Variants in EML3 observed in about 807,000 individuals in gnomAD.
EML3 encodes echinoderm microtubule-associated protein-like 3.
EML3 carries 53 observed loss-of-function variants against 106.7 expected under a neutral mutation model. The ratio of observed to expected loss-of-function variants is 0.50; its 90% CI spans 0.40 to 0.62. The LOEUF (loss-of-function observed/expected upper bound fraction) is 0.62. Among genes scored for constraint, EML3 ranks in the 20% least tolerant of loss-of-function variants. The probability of loss-of-function intolerance (pLI) is 0.00; values close to 1 mark genes in which losing one functional copy is unlikely to be tolerated. For synonymous variants in EML3, 499 were observed against 489.6 expected, an observed-to-expected ratio of 1.02 and a Z score of -0.25; for missense variants, 994 against 1,209.1, an observed-to-expected ratio of 0.82 and a Z score of 2.64.
rs1391989621 is a variant in EML3 at position 62,605,962 on chromosome 11, C to T, written c.1675G>A (p.Ala559Thr). 6.2e-7 allele frequency: 1 copy of T among 1,614,152 alleles called. No individual in the cohort carries two copies. Among genetic ancestry groups the T allele is most frequent in the South Asian group, 1.1e-5 (1 of 91,086 alleles). Residue 559 changes from alanine (A) to threonine (T), a missense_variant, in exon 14 of 22, where the codon GCC (alanine) becomes ACC (threonine). By Grantham distance (58) the Ala-to-Thr change is moderately conservative. Around this residue, in one of 3 missense-constraint regions of EML3, gnomAD observed 713 missense variants for 920.5 expected, o/e 0.77. Coordinates refer to ENST00000394773, the MANE Select transcript of EML3 (RefSeq NM_153265.3). This position sits in a 1 kb window ranked among gnomAD's most constrained non-coding sequence, Gnocchi z 5.2. ...QEAEIPEHFG[A>T]VRAIAEGLGS... ...AGCCCTTCAGCAATGGCTCGCACGG[C>T]CCCGAAGTGCTCGGGAATCTGCAGA...
rs766056591 is a variant in EML3 at position 62,605,352 on chromosome 11, T to C, written c.1915-172A>G. On this transcript the variant is annotated intron_variant, in intron 15 of 21. Transcript: ENST00000394773. The surrounding 1 kb of genome is among the most constrained non-coding windows in gnomAD (Gnocchi z 5.2). ...CTGAACAGGGAGTGATACCAAAATATTTAACCACAGAACTGATGCCAATAG... is the reference window on the plus strand; with the variant it reads ...CTGAACAGGGAGTGATACCAAAATACTTAACCACAGAACTGATGCCAATAG... 237 of 690,650 alleles carry C rather than the reference T, an allele frequency of 3.4e-4. No individual in the cohort carries two copies. Among genetic ancestry groups the C allele is most frequent in the Non-Finnish European group, 4.9e-4 (209 of 426,680 alleles). The allele number at this position is 690,650 out of a possible 1,614,324, so 42.8% of individuals were successfully genotyped here. A position where few individuals can be genotyped will look rare whatever the true frequency, so the allele number is the denominator to read the frequency against.
chr11:62,611,317 G>A lies in EML3; in HGVS notation c.222C>T (p.Pro74=), dbSNP rs749447935. 13 of 1,613,058 alleles carry A rather than the reference G, an allele frequency of 8.1e-6. No individual in the cohort carries two copies. The highest frequency in any genetic ancestry group is 1.1e-5 in the Non-Finnish European group (13 of 1,179,878). Residue 74 remains proline (P), a synonymous_variant, in exon 3 of 22, where the codon CCC becomes CCT. Transcript: ENST00000394773. ...GGCTCACCAAGGAAGGGGTGCACGT[G>A]GGTGGCAGTCCTGGGGGGGCTGCAA... ...DSLAAPPGLP[P]TCTPSLVSRG... is the part of the protein sequence containing the mutation.
rs1360002208 is a variant in EML3 at position 62,611,410 on chromosome 11, T to C, written c.194+15A>G. ...CCCAAGGAGGAGGAAAAATGGGGTGTGATGACATGCATACCTGTCCCCCGG... is the reference window on the plus strand; with the variant it reads ...CCCAAGGAGGAGGAAAAATGGGGTGCGATGACATGCATACCTGTCCCCCGG... On this transcript the variant is annotated intron_variant, in intron 2 of 21. Coordinates refer to ENST00000394773, the MANE Select transcript of EML3 (RefSeq NM_153265.3). 1 of 1,613,584 alleles carries C rather than the reference T, an allele frequency of 6.2e-7. No individual in the cohort carries two copies. Among genetic ancestry groups the C allele is most frequent in the East Asian group, 2.2e-5 (1 of 44,892 alleles).
At chr11:62,608,135 G>T in intron 10 of EML3, 66 bp downstream of exon 10, 1 of 1,464,682 alleles carries the variant, frequency 6.8e-7, no homozygotes, top group Non-Finnish European at 9.5e-7. Context: ...TGAGTCTGGA[G>T]CTCCCTGCAC....
At chr11:62,609,572 A>G in intron 5 of EML3, 57 bp downstream of exon 5, 1 of 1,569,406 alleles carries the variant, frequency 6.4e-7, no homozygotes, top group Non-Finnish European at 8.6e-7. Context: ...TCCTGGGGCT[A>G]CAGCCCAAAT....
In EML3 at chr11:62,606,228, C is replaced by T; in HGVS notation, c.1505-14G>A. The T allele has an allele frequency of 6.8e-6, 11 of 1,612,752 alleles. No homozygotes were observed. Among genetic ancestry groups the T allele is most frequent in the Non-Finnish European group, 8.5e-6 (10 of 1,179,544 alleles). ...TCCCATAGGTCTCTGTTGGCAAAGC[C>T]CCAGGTAGATCATGTTTTGGGGGTG... On this transcript the variant is annotated splice_polypyrimidine_tract_variant and intron_variant, in intron 12 of 21. Transcript: ENST00000394773.
chr11:62,607,082 C>G lies in EML3; in HGVS notation c.1380G>C (p.Lys460Asn). The G allele has an allele frequency of 6.2e-7, 1 of 1,613,960 alleles. No homozygotes were observed. The change falls in exon 12 of 22, where the codon AAG becomes AAC. Residue 460 changes from lysine to asparagine, a missense_variant. Lys to Asn is a moderately conservative substitution (Grantham distance 94). Coordinates refer to ENST00000394773, the MANE Select transcript of EML3 (RefSeq NM_153265.3). ...GAAGGAACACAAAGCAAGGGATAAA[C>G]TTGGGTTTCTTGTATTTCTAGTGGG... ...QGVFGKYKKP[K>N]FIPCFVFLPD...
Position 62,606,057 on chromosome 11 carries a change from C to T in EML3, c.1656+6G>A, listed in dbSNP as rs1438386036. 1 of 1,613,924 alleles carries T rather than the reference C, an allele frequency of 6.2e-7. No homozygotes were observed. The highest frequency in any genetic ancestry group is 2.2e-5 in the East Asian group (1 of 44,884). On this transcript the variant is annotated splice_donor_region_variant and intron_variant, in intron 13 of 21. Coordinates refer to ENST00000394773, the MANE Select transcript of EML3 (RefSeq NM_153265.3). ...CTCACTCCCTTGACCCCAGCCCAGC[C>T]CTCACCTCAGCCTCCTGGAGGGCCA...
chr11:62,604,518 C>G (rs1353955219), intron 16 of EML3, among the ~76,000 whole-genome samples: 1 of 152,146 alleles, frequency 6.6e-6, no homozygotes, highest in Non-Finnish European at 1.5e-5. Context: ...GCTAGAATTA[C>G]AGGTGCGTAC....
intron 16 of EML3, 102 bp from the exon 17 acceptor site, chr11:62,604,303 GAGA>G (rs1942404256): frequency 3.7e-6 from 3 of 805,012 alleles, no homozygotes; most frequent in South Asian, 2.9e-5. Context: ...TGGCAAATAA[GAGA>G]AGCTCAGAGA....
intron 1 of EML3, 169 bp from the exon 2 acceptor site, chr11:62,611,765 G>A (rs979027358): frequency 1.7e-5 from 13 of 754,966 alleles, no homozygotes; most frequent in Non-Finnish European, 2.5e-5. Flanking sequence ...AAGGATCAAG[G>A]GCCTCCTTCT....
rs1942828940 is a variant in EML3, at chr11:62,611,532, C to G, written c.87G>C (p.Glu29Asp). 1.9e-6 allele frequency: 3 copies of G among 1,613,838 alleles called. No homozygotes were observed. Among genetic ancestry groups the G allele is most frequent in the Non-Finnish European group, 2.5e-6 (3 of 1,180,002 alleles). ...CCAGGGCTGCCTTTACCAGTTCCAT[C>G]TCCTGCTCCTGCACCCGAAGCCGCT... is the stretch of plus-strand genomic sequence containing the variant. Reference protein sequence around the residue: ...LSQRLRVQEQEMELVKAALAE... With the variant: ...LSQRLRVQEQDMELVKAALAE... Residue 29 changes from glutamate to aspartate, a missense_variant, in exon 2 of 22, where the codon GAG (glutamate) becomes GAC (aspartate). By Grantham distance (45) the Glu-to-Asp change is conservative. Transcript: ENST00000394773.
chr11:62,611,428 T>C lies in EML3; in HGVS notation c.191A>G (p.Asp64Gly). Residue 64 changes from aspartate to glycine, a missense_variant, in exon 2 of 22, where the codon GAC becomes GGC. Physicochemically the swap from Asp to Gly is moderately conservative, Grantham distance 94 (BLOSUM62 -1). Around this residue, in one of 3 missense-constraint regions of EML3, gnomAD observed 269 missense variants for 265.1 expected, o/e 1.01. Coordinates refer to ENST00000394773, the MANE Select transcript of EML3 (RefSeq NM_153265.3). ...QGSGTPAPPG[D>G]SLAAPPGLPP... ...TGGGGTGTGATGACATGCATACCTG[T>C]CCCCCGGAGGAGCTGGTGTGCCAGA... 6.2e-7 allele frequency: 1 copy of C among 1,613,598 alleles called. No individual in the cohort carries two copies. Among genetic ancestry groups the C allele is most frequent in the Non-Finnish European group, 8.5e-7 (1 of 1,179,782 alleles).
intron 10 of EML3, 102 bp from the exon 11 acceptor site, chr11:62,607,923 A>C (rs1478052718): frequency 1.4e-6 from 2 of 1,387,442 alleles, no homozygotes; most frequent in Non-Finnish European, 2.0e-6. Flanking sequence ...GCAGAGGTCC[A>C]GAAACCCCAG....
chr11:62,607,924 G>T, intron 10 of EML3, 103 bp from the exon 11 acceptor site: 1 of 1,368,700 alleles, frequency 7.3e-7, no homozygotes, highest in Non-Finnish European at 1.0e-6. Context: ...CAGAGGTCCA[G>T]AAACCCCAGG....
In EML3 at chr11:62,602,494, G is replaced by A. The variant is rs1341958983; in HGVS notation, c.2672C>T (p.Ala891Val). ...CAGCGATCAAACGTCGAGGGAGGAG[G>A]CGGGGGACAGGGAGGGGGTTCGAGA... ...TPSRTPSLSP[A>V]SSLDV The change falls in exon 22 of 22, where the codon GCC becomes GTC. Residue 891 changes from alanine to valine, a missense_variant. Physicochemically the swap from Ala to Val is moderately conservative, Grantham distance 64 (BLOSUM62 0). Coordinates refer to ENST00000394773, the MANE Select transcript of EML3 (RefSeq NM_153265.3). 6 of 1,531,226 alleles carry A rather than the reference G, an allele frequency of 3.9e-6. No individual in the cohort carries two copies. The highest frequency in any genetic ancestry group is 2.5e-5 in the East Asian group (1 of 40,430). The allele number at this position is 1,531,226 out of a possible 1,614,324, so 94.9% of individuals were successfully genotyped here.
rs775285532 is a variant in EML3, at chr11:62,603,859, C to T, written c.2170-43G>A. The T allele has an allele frequency of 3.1e-6, 5 of 1,612,212 alleles. No homozygotes were observed. In the South Asian group the frequency reaches 4.4e-5, roughly 14 times the overall value. On this transcript the variant is annotated intron_variant, in intron 18 of 21. Coordinates refer to ENST00000394773, the MANE Select transcript of EML3 (RefSeq NM_153265.3). ...GAGTTTTAAAGTATCCCATCCATTT[C>T]CCATCCCCAGAGCCCCCTTGATGCA...
chr11:62,610,685 G>T (rs1942764262), intron 4 of EML3, among the ~76,000 whole-genome samples, 194 bp downstream of exon 4: 1 of 152,178 alleles, frequency 6.6e-6, no homozygotes, highest in South Asian at 2.1e-4. Flanking sequence ...ATGTTGTGGG[G>T]ACTGACTGAG....
chr11:62,612,032 A>G (rs1213969573), intron 1 of EML3: 1 of 362,234 alleles, frequency 2.8e-6, no homozygotes, highest in African/African-American at 2.2e-5. Flanking sequence ...GGGTGCGGGA[A>G]TGGAGTCATA....
Sources: gnomAD v4.1 joint callset for allele counts (sites outside exome capture counted in the v4.1 genomes callset) on GRCh38, gnomAD v4.1.1 for gene constraint, gnomAD v4.1.1 regional missense constraint, Gnocchi (gnomAD v3.1) non-coding constraint, MANE v1.5 for transcripts, NCBI Gene and HGNC (gene_info 2026-07-23, HGNC 2026-07-21) for gene names.